The following CFAP52 variants were observed in gnomAD, a reference collection of about 807,000 sequenced individuals.
CFAP52 encodes cilia- and flagella-associated protein 52.
Under a neutral mutation model 70.5 loss-of-function variants are expected in CFAP52, and 57 were observed. That is an observed-to-expected ratio of 0.81 (90% CI 0.65 to 1.01). The LOEUF (loss-of-function observed/expected upper bound fraction) is 1.01, where lower values mean the gene tolerates loss of function less well. CFAP52 is among the 50% of genes least tolerant of loss of function. CFAP52 has a pLI of 0.00. For synonymous variants in CFAP52, 267 were observed against 292.5 expected (o/e 0.91, Z 0.89); for missense variants, 785 against 788.5 (o/e 1.00, Z 0.05).
intron 6 of CFAP52, among the ~76,000 whole-genome samples, chr17:9,606,224 G>C (rs1266953854): frequency 6.6e-6 from 1 of 151,956 alleles, no homozygotes; most frequent in Non-Finnish European, 1.5e-5. Context: ...TCTGTGAAAA[G>C]TTTTTAAAAA....
intron 3 of CFAP52, chr17:9,590,349 A>G (rs1908691931): frequency 5.4e-6 from 1 of 185,316 alleles, no homozygotes; most frequent in Non-Finnish European, 1.2e-5. Flanking sequence ...CCCATCTTTG[A>G]TCAGCTTCCA....
intron 11 of CFAP52, among the ~76,000 whole-genome samples, chr17:9,638,151 T>C (rs1910891525): frequency 6.6e-6 from 1 of 152,230 alleles, no homozygotes; most frequent in African/African-American, 2.4e-5. Flanking sequence ...GAATTAAAGA[T>C]ACATCGATGA....
At chr17:9,595,609 T>C (rs896116545) in intron 4 of CFAP52, among the ~76,000 whole-genome samples, 1 of 152,118 alleles carries the variant, frequency 6.6e-6, no homozygotes, top group African/African-American at 2.4e-5. Context: ...CTGAAGTCCA[T>C]GAGCAACATT....
In CFAP52 at chr17:9,638,731, G is replaced by A; in HGVS notation, c.1575+20G>A. ...AGAAAGGTGAGTCCTCCCAGTGAGA[G>A]ATGAGATCTTTCCAGCGCAAGAGAA... On this transcript the variant is annotated intron_variant, in intron 12 of 13. Transcript: ENST00000352665. 1.2e-6 allele frequency: 2 copies of A among 1,611,348 alleles called. No individual in the cohort carries two copies. The highest frequency in any genetic ancestry group is 1.3e-5 in the African/African-American group (1 of 74,982).
At chr17:9,637,576 T>C (rs1317257877) in intron 11 of CFAP52, among the ~76,000 whole-genome samples, 1 of 152,206 alleles carries the variant, frequency 6.6e-6, no homozygotes, top group African/African-American at 2.4e-5. Flanking sequence ...ATTATGCACA[T>C]AAAAATCAAC....
intron 1 of CFAP52, among the ~76,000 whole-genome samples, chr17:9,583,787 G>C (rs1201682340): frequency 2.0e-5 from 3 of 152,182 alleles, no homozygotes; most frequent in African/African-American, 7.2e-5. Context: ...GAGGACCTGG[G>C]TCTGTTTCAT....
At chr17:9,635,971 G>A (rs534081177) in intron 11 of CFAP52, among the ~76,000 whole-genome samples, 5 of 152,044 alleles carry the variant, frequency 3.3e-5, no homozygotes, top group East Asian at 1.9e-4. Flanking sequence ...TCAGGAGTTC[G>A]AGACCAGCCT....
At chr17:9,625,623 G>C (rs1910207014) in intron 8 of CFAP52, among the ~76,000 whole-genome samples, 1 of 151,846 alleles carries the variant, frequency 6.6e-6, no homozygotes, top group Non-Finnish European at 1.5e-5. Flanking sequence ...TTTTTCTACA[G>C]CCACCATAGC....
At position 9,643,133 on chromosome 17, in the gene CFAP52, C is replaced by G. The variant is rs199611903; in HGVS notation, c.1798C>G (p.Gln600Glu). ...ACGCATCCGCATAAGTCCAGGAAATCAATATATTGTTAGTGTAAGTGCCGA... is the reference window on the plus strand; with the variant it reads ...ACGCATCCGCATAAGTCCAGGAAATGAATATATTGTTAGTGTAAGTGCCGA... Reference protein sequence around the residue: ...ITRIRISPGNQYIVSVSADGA... With the variant: ...ITRIRISPGNEYIVSVSADGA... The change falls in exon 14 of 14, where the codon CAA becomes GAA. Residue 600 changes from glutamine to glutamate, a missense_variant. Transcript: ENST00000352665. The G allele has an allele frequency of 6.2e-6, 10 of 1,613,684 alleles. No homozygotes were observed. In the South Asian group the frequency reaches 8.8e-5, roughly 14 times the overall value.
In CFAP52 at chr17:9,608,163, G is replaced by A. The variant is rs746370813; in HGVS notation, c.798G>A (p.Val266=). 1.6e-5 allele frequency: 25 copies of A among 1,612,582 alleles called. No individual in the cohort carries two copies. The highest frequency in any genetic ancestry group is 2.7e-5 in the African/African-American group (2 of 74,844). Residue 266 remains valine, a synonymous_variant, in exon 7 of 14, where the codon GTG becomes GTA. Coordinates refer to ENST00000352665, the MANE Select transcript of CFAP52 (RefSeq NM_145054.5). ...IRCLKMGGLL[V]GSGAGLLVFC... is the part of the protein sequence containing the mutation. The stretch of plus-strand genomic sequence containing the variant: ...GCCTGAAGATGGGGGGTTTGTTGGT[G>A]GGCTCTGGAGCCGGACTGCTGGTCT...
chr17:9,591,923 G>C (rs1908778079), intron 3 of CFAP52, among the ~76,000 whole-genome samples: 1 of 152,068 alleles, frequency 6.6e-6, no homozygotes, highest in South Asian at 2.1e-4. Context: ...TCCGGCCATG[G>C]CTTATAAAGA....
At position 9,586,769 on chromosome 17, in the gene CFAP52, T is replaced by TGAA; in HGVS notation, c.344_346dup (p.Glu115dup). Reference sequence around the variant, plus strand: ...GGCTGTCCCTTCACAAAGGCAAAATTGAAGCTCTGGCCTTTTCTCCAAATG... The same window carrying TGAA: ...GGCTGTCCCTTCACAAAGGCAAAATTGAAGAAGCTCTGGCCTTTTCTCCAAATG... On this transcript the variant is annotated inframe_insertion, in exon 3 of 14. Coordinates refer to ENST00000352665, the MANE Select transcript of CFAP52 (RefSeq NM_145054.5). The TGAA allele has an allele frequency of 1.2e-6, 2 of 1,613,948 alleles. No homozygotes were observed. Among genetic ancestry groups the TGAA allele is most frequent in the South Asian group, 2.2e-5 (2 of 91,002 alleles).
At chr17:9,633,361 T>C (rs150409434) in intron 10 of CFAP52, among the ~76,000 whole-genome samples, 2,407 of 151,560 alleles carry the variant, frequency 0.016, 74 homozygotes, top group African/African-American at 0.055. Context: ...CACACCGTCA[T>C]GCCCAGCTAA....
chr17:9,622,706 T>C (rs1283571186), intron 8 of CFAP52, among the ~76,000 whole-genome samples: 1 of 152,174 alleles, frequency 6.6e-6, no homozygotes. Flanking sequence ...GGAGTTTGTA[T>C]TGAAGTATAA....
At chr17:9,616,591 G>A (rs1026089357) in intron 8 of CFAP52, among the ~76,000 whole-genome samples, 14 of 149,506 alleles carry the variant, frequency 9.4e-5, no homozygotes, top group African/African-American at 3.0e-4. Context: ...GCAGACTTAC[G>A]TGTCCCTGTC....
intron 9 of CFAP52, among the ~76,000 whole-genome samples, chr17:9,631,980 C>T (rs1910563830): frequency 1.3e-5 from 2 of 151,914 alleles, no homozygotes; most frequent in African/African-American, 4.8e-5. Flanking sequence ...GCCATGTTGA[C>T]CAGGCTGGTC....
intron 9 of CFAP52, among the ~76,000 whole-genome samples, chr17:9,630,586 C>T (rs1242393736): frequency 2.7e-5 from 4 of 150,486 alleles, no homozygotes; most frequent in East Asian, 4.2e-4. Flanking sequence ...CCCGCTACCA[C>T]GCCCGGCTAA....
At chr17:9,614,188 G>A (rs1437013989) in intron 8 of CFAP52, among the ~76,000 whole-genome samples, 1 of 121,220 alleles carries the variant, frequency 8.2e-6, no homozygotes, top group African/African-American at 3.2e-5. Flanking sequence ...ACTGAGTCTC[G>A]CTCTGTTGCC....
At chr17:9,579,160 A>AT (rs1359019020) in intron 1 of CFAP52, among the ~76,000 whole-genome samples, 1 of 152,064 alleles carries the variant, frequency 6.6e-6, no homozygotes, top group African/African-American at 2.4e-5. Flanking sequence ...AGTTTTCTGT[A>AT]TTTTGTCTTC....
Sources: gnomAD v4.1 joint callset for allele counts (sites outside exome capture counted in the v4.1 genomes callset) on GRCh38, gnomAD v4.1.1 for gene constraint, MANE v1.5 for transcripts, NCBI Gene and HGNC (gene_info 2026-07-23, HGNC 2026-07-21) for gene names.